Variants in TXLNB observed in about 807,000 individuals in gnomAD.
TXLNB encodes taxilin beta.
In TXLNB, 37 loss-of-function variants were observed where a neutral mutation model predicts 57.4. That is an observed-to-expected ratio of 0.64 (90% CI 0.50 to 0.85). The LOEUF (loss-of-function observed/expected upper bound fraction) is 0.85. Among genes scored for constraint, TXLNB ranks in the 40% least tolerant of loss-of-function variants. The pLI is 0.00. For synonymous variants in TXLNB, 302 were observed against 309.6 expected (o/e 0.98, Z 0.26); for missense variants, 848 against 825.6 (o/e 1.03, Z -0.33).
chr6:139,232,563 G>T, the TXLNB span, among the ~76,000 whole-genome samples: 1 of 152,064 alleles, frequency 6.6e-6, no homozygotes, highest in Non-Finnish European at 1.5e-5. Flanking sequence ...ATACTTTATG[G>T]CTTGTTACAT....
At chr6:139,320,693 A>C in the TXLNB span, among the ~76,000 whole-genome samples, 1 of 151,960 alleles carries the variant, frequency 6.6e-6, no homozygotes, top group Non-Finnish European at 1.5e-5. Context: ...TCCCATTTTC[A>C]AAAGACAAAT....
At chr6:139,181,447 T>C in the TXLNB span, among the ~76,000 whole-genome samples, 2 of 152,176 alleles carry the variant, frequency 1.3e-5, no homozygotes, top group Non-Finnish European at 2.9e-5. Context: ...GTCCAGTGGA[T>C]CCATGCTGTA....
At chr6:139,218,750 T>TA in the TXLNB span, among the ~76,000 whole-genome samples, 21 of 148,216 alleles carry the variant, frequency 1.4e-4, no homozygotes, top group East Asian at 3.9e-4. Context: ...AAACTCTGTC[T>TA]AAAAAAAAAA....
the TXLNB span, among the ~76,000 whole-genome samples, chr6:139,196,365 G>GTTTTTTTT: frequency 2.1e-4 from 8 of 38,994 alleles, 1 homozygote; most frequent in East Asian, 8.1e-4. Flanking sequence ...TCCAGATCTG[G>GTTTTTTTT]TTTTTTTTTT....
chr6:139,289,696 C>T (rs1347666728), intron 1 of TXLNB, among the ~76,000 whole-genome samples: 2 of 152,168 alleles, frequency 1.3e-5, no homozygotes, highest in African/African-American at 4.8e-5. Context: ...ATTTTGCTTA[C>T]ACTAGTCAGT....
the TXLNB span, among the ~76,000 whole-genome samples, chr6:139,168,375 A>G: frequency 6.6e-6 from 1 of 151,264 alleles, no homozygotes; most frequent in African/African-American, 2.4e-5. Flanking sequence ...CATATAGTCT[A>G]GGACTCCTTT....
chr6:139,166,910 A>T, the TXLNB span: 1 of 1,614,034 alleles, frequency 6.2e-7, no homozygotes, highest in East Asian at 2.2e-5. Flanking sequence ...GTTCTTAAAG[A>T]ACGCCATCCA....
the TXLNB span, chr6:139,176,973 G>A: frequency 8.0e-6 from 7 of 872,606 alleles, no homozygotes; most frequent in East Asian, 2.4e-5. The surrounding 1 kb of genome is among the most constrained non-coding windows in gnomAD (Gnocchi z 4.5). Flanking sequence ...GTGGGAAGCC[G>A]GTGATCGACG....
the TXLNB span, among the ~76,000 whole-genome samples, chr6:139,221,297 A>G: frequency 6.7e-6 from 1 of 148,708 alleles, no homozygotes; most frequent in Admixed American, 6.9e-5. Flanking sequence ...GGGACCCTCA[A>G]ACAATTACAC....
At chr6:139,176,327 T>C in the TXLNB span, among the ~76,000 whole-genome samples, 1 of 152,218 alleles carries the variant, frequency 6.6e-6, no homozygotes, top group African/African-American at 2.4e-5. This position sits in a 1 kb window ranked among gnomAD's most constrained non-coding sequence, Gnocchi z 4.5. Context: ...ACTTTTTAAG[T>C]ACATTTTTAA....
chr6:139,259,618 C>A (rs1776429652), intron 6 of TXLNB, among the ~76,000 whole-genome samples: 1 of 152,094 alleles, frequency 6.6e-6, no homozygotes, highest in African/African-American at 2.4e-5. Context: ...TCCTTACTTC[C>A]TTAGTAGTGG....
chr6:139,245,916 C>T (rs1326638828), intron 8 of TXLNB, among the ~76,000 whole-genome samples: 1 of 152,130 alleles, frequency 6.6e-6, no homozygotes, highest in African/African-American at 2.4e-5. Flanking sequence ...CGGTCTTGAG[C>T]TCCTGACCTC....
chr6:139,292,496 A>G (rs985942728), upstream of TXLNB, among the ~76,000 whole-genome samples: 8 of 152,188 alleles, frequency 5.3e-5, no homozygotes, highest in South Asian at 2.1e-4. This position sits in a 1 kb window ranked among gnomAD's most constrained non-coding sequence, Gnocchi z 4.0. Context: ...AAACAATGGC[A>G]TAAGAACAGG....
the TXLNB span, among the ~76,000 whole-genome samples, chr6:139,212,523 C>T: frequency 6.6e-6 from 1 of 152,192 alleles, no homozygotes; most frequent in East Asian, 1.9e-4. Flanking sequence ...ACTGCAAAAA[C>T]ATGCCAAATT....
At chr6:139,205,202 C>T in the TXLNB span, among the ~76,000 whole-genome samples, 1 of 152,204 alleles carries the variant, frequency 6.6e-6, no homozygotes, top group African/African-American at 2.4e-5. Context: ...GGCATTACAG[C>T]AACTCTTGGC....
At chr6:139,169,084 C>A in the TXLNB span, among the ~76,000 whole-genome samples, 1 of 152,174 alleles carries the variant, frequency 6.6e-6, no homozygotes, top group Non-Finnish European at 1.5e-5. Flanking sequence ...TCTGTACTCT[C>A]TTGGCCCTTT....
In TXLNB at chr6:139,285,360, G is replaced by A. The variant is rs72990534; in HGVS notation, c.424+3116C>T. Among the ~76,000 whole-genome samples, 20 of 141,610 alleles carry A rather than the reference G, an allele frequency of 1.4e-4. 2 individuals carry two copies. The highest frequency in any genetic ancestry group is 2.5e-4 in the Non-Finnish European group (16 of 64,340). The allele number at this position is 141,610 out of a possible 152,430, so 92.9% of individuals were successfully genotyped here. ...ATTGAAAAATAACTTTTCTGGTTAG[G>A]AACACTTGAAGTTGCTTACCTCTGG... On this transcript the variant is annotated intron_variant, in intron 2 of 9. Coordinates refer to ENST00000358430, the MANE Select transcript of TXLNB (RefSeq NM_153235.4).
chr6:139,202,930 A>G, the TXLNB span, among the ~76,000 whole-genome samples: 1 of 152,210 alleles, frequency 6.6e-6, no homozygotes, highest in Non-Finnish European at 1.5e-5. Context: ...TTAAGCTCCC[A>G]CATATGAGTG....
the TXLNB span, among the ~76,000 whole-genome samples, chr6:139,224,179 G>A: frequency 6.7e-5 from 10 of 149,694 alleles, no homozygotes; most frequent in Non-Finnish European, 1.0e-4. Flanking sequence ...CATCATTCTC[G>A]GTAAACTATC....
Sources: allele counts gnomAD v4.1 joint callset (sites outside exome capture counted in the v4.1 genomes callset), GRCh38; gene constraint gnomAD v4.1.1; non-coding constraint Gnocchi (gnomAD v3.1); transcripts MANE v1.5; gene names NCBI Gene and HGNC (gene_info 2026-07-23, HGNC 2026-07-21).